Variants in VPS53 observed in about 807,000 individuals in gnomAD.
The protein encoded by VPS53 is VPS53 subunit of GARP complex, also known as vacuolar protein sorting-associated protein 53 homolog.
In VPS53, 70 loss-of-function variants were observed where a neutral mutation model predicts 107.0. The ratio of observed to expected loss-of-function variants is 0.65; its 90% CI spans 0.54 to 0.80. VPS53 has a LOEUF of 0.80. Among genes scored for constraint, VPS53 ranks in the 30% least tolerant of loss-of-function variants. The pLI, the probability that VPS53 is intolerant of heterozygous loss-of-function variation, is 0.00. For missense variants in VPS53, 917 were observed against 1,049.4 expected (o/e 0.87, Z 1.74); for synonymous variants, 409 against 393.3 (o/e 1.04, Z -0.47).
At chr17:554,873 A>G (rs1439617830) in intron 15 of VPS53, among the ~76,000 whole-genome samples, 4 of 152,260 alleles carry the variant, frequency 2.6e-5, no homozygotes, top group Non-Finnish European at 1.5e-5. Context: ...ATGCATTTCA[A>G]TGAAATAAGG....
In VPS53 at chr17:551,926, C is replaced by A; in HGVS notation, c.1812G>T (p.Leu604=). 6.2e-7 allele frequency: 1 copy of A among 1,603,084 alleles called. No individual in the cohort carries two copies. Among genetic ancestry groups the A allele is most frequent in the Non-Finnish European group, 8.5e-7 (1 of 1,174,522 alleles). The change falls in exon 17 of 22, where the codon CTG becomes CTT. Residue 604 remains leucine, a synonymous_variant. Coordinates refer to ENST00000437048, the MANE Select transcript of VPS53 (RefSeq NM_001128159.3). ...AGGCAGCATCCAGATCCTGAACCAG[C>A]AGCTGAATACTGCTGGAGATGACGC... The part of the protein sequence containing the change: ...FSTVISSSIQ[L]LVQDLDAACD...
intron 17 of VPS53, among the ~76,000 whole-genome samples, chr17:550,450 C>T (rs1911717231): frequency 6.6e-6 from 1 of 152,130 alleles, no homozygotes; most frequent in Admixed American, 6.6e-5. Context: ...TGGCTCAATT[C>T]TACCACTATA....
In VPS53 at chr17:520,711, C is replaced by G. The variant is rs1396457866; in HGVS notation, c.2224-781G>C. Among the ~76,000 whole-genome samples, 1 of 148,978 alleles carries G rather than the reference C, an allele frequency of 6.7e-6. No homozygotes were observed. Among genetic ancestry groups the G allele is most frequent in the African/African-American group, 2.4e-5 (1 of 41,178 alleles). ...CATCCTCTGCCGATAATTCCCAGAC[C>G]ACAGGCTCTCCTCCCCAGCAGTAAG... is the stretch of plus-strand genomic sequence containing the variant. On this transcript the variant is annotated intron_variant, in intron 20 of 21. Coordinates refer to ENST00000437048, the MANE Select transcript of VPS53 (RefSeq NM_001128159.3). The surrounding 1 kb of genome is among the most constrained non-coding windows in gnomAD (Gnocchi z 4.4).
chr17:528,595 CTTTTTT>C (rs138081726), intron 19 of VPS53, among the ~76,000 whole-genome samples: 3 of 101,270 alleles, frequency 3.0e-5, no homozygotes, highest in South Asian at 3.1e-4. Flanking sequence ...TTTTTCAATT[CTTTTTT>C]TTTTTTTTTT....
intron 3 of VPS53, among the ~76,000 whole-genome samples, chr17:698,483 T>C (rs911158440): frequency 1.5e-4 from 22 of 151,190 alleles, no homozygotes; most frequent in African/African-American, 4.9e-4. Flanking sequence ...GGCAGGCAGA[T>C]TGCTTGAGCT....
intron 11 of VPS53, among the ~76,000 whole-genome samples, chr17:608,864 C>T (rs1015754312): frequency 2.6e-5 from 4 of 151,958 alleles, no homozygotes; most frequent in African/African-American, 7.2e-5. Context: ...CTGCCCACCT[C>T]GGCCTCCCAA....
At chr17:698,110 C>T (rs931257758) in intron 3 of VPS53, among the ~76,000 whole-genome samples, 5 of 152,066 alleles carry the variant, frequency 3.3e-5, no homozygotes, top group African/African-American at 1.2e-4. Flanking sequence ...CAGGTAAATC[C>T]ACAAAAACAG....
rs992850636 is a variant in VPS53 at position 519,619 on chromosome 17, C to T, written c.2328+207G>A. Among the ~76,000 whole-genome samples the T allele has an allele frequency of 2.6e-5, 4 of 152,172 alleles. No individual in the cohort carries two copies. The highest frequency in any genetic ancestry group is 4.8e-5 in the African/African-American group (2 of 41,428). ...ATCCTCCCTGTGCAGGTGGTCTCAGCGGGGCATGCAGGGCCTGTCAGAATC... is the reference window on the plus strand; with the variant it reads ...ATCCTCCCTGTGCAGGTGGTCTCAGTGGGGCATGCAGGGCCTGTCAGAATC... On this transcript the variant is annotated intron_variant, in intron 21 of 21. Transcript: ENST00000437048. This position sits in a 1 kb window ranked among gnomAD's most constrained non-coding sequence, Gnocchi z 5.0.
chr17:590,479 G>C (rs1967583798), intron 12 of VPS53, among the ~76,000 whole-genome samples: 1 of 151,730 alleles, frequency 6.6e-6, no homozygotes, highest in Admixed American at 6.6e-5. Flanking sequence ...AATGCTTCCA[G>C]TTTTTGCCCA....
intron 15 of VPS53, among the ~76,000 whole-genome samples, chr17:553,902 T>C (rs889195483): frequency 6.6e-6 from 1 of 152,116 alleles, no homozygotes; most frequent in African/African-American, 2.4e-5. Context: ...GATTCTATTA[T>C]TATCATCGTC....
rs760752576 is a variant in VPS53 at position 601,753 on chromosome 17, C to T, written c.1218+42G>A. The T allele has an allele frequency of 2.7e-6, 4 of 1,479,378 alleles. No homozygotes were observed. In the African/African-American group the frequency reaches 5.7e-5, roughly 21 times the overall value. 91.6% of individuals were successfully genotyped at this position (1,479,378 alleles called of 1,614,324 possible). A position where few individuals can be genotyped will look rare whatever the true frequency, so the allele number is the denominator to read the frequency against. On this transcript the variant is annotated intron_variant, in intron 12 of 21. Transcript: ENST00000437048. ...GCAAGCAGACCGATTTTCAGAAACG[C>T]ACATTGGGTAGGTTACCCGTGGTGA...
In VPS53 at chr17:569,646, C is replaced by T. The variant is rs564984893; in HGVS notation, c.1314-6901G>A. ...AGAAAAATCACCATTTGACTGGGCGCGGCAGCTCATGCCTGTAATCTCAAC... is the reference window on the plus strand; with the variant it reads ...AGAAAAATCACCATTTGACTGGGCGTGGCAGCTCATGCCTGTAATCTCAAC... On this transcript the variant is annotated intron_variant, in intron 13 of 21. Transcript: ENST00000437048. Among the ~76,000 whole-genome samples the T allele has an allele frequency of 6.6e-5, 10 of 152,180 alleles. No individual in the cohort carries two copies. In the East Asian group the frequency reaches 1.5e-3, roughly 23 times the overall value.
Position 710,627 on chromosome 17 carries a change from G to A in VPS53, c.88-14C>T, listed in dbSNP as rs373134534. The A allele has an allele frequency of 5.1e-6, 8 of 1,574,048 alleles. No homozygotes were observed. The highest frequency in any genetic ancestry group is 5.1e-5 in the Admixed American group (3 of 59,148). ...GCTTGGAAACACCTATATAGAAAGA[G>A]AGGAGTATATATAAAAACATGTAGT... On this transcript the variant is annotated splice_polypyrimidine_tract_variant and intron_variant, in intron 1 of 21. Coordinates refer to ENST00000437048, the MANE Select transcript of VPS53 (RefSeq NM_001128159.3).
intron 11 of VPS53, among the ~76,000 whole-genome samples, chr17:622,079 GTGTGCACCT>G (rs1969489649): frequency 6.6e-6 from 1 of 152,032 alleles, no homozygotes; most frequent in South Asian, 2.1e-4. Flanking sequence ...AGGCTTAGTG[GTGTGCACCT>G]GTAATCCCAG....
chr17:584,273 T>G (rs1269188938), intron 13 of VPS53, among the ~76,000 whole-genome samples: 1 of 152,168 alleles, frequency 6.6e-6, no homozygotes, highest in Non-Finnish European at 1.5e-5. Context: ...TTCCAAAACC[T>G]GCCTTCCAAC....
intron 12 of VPS53, among the ~76,000 whole-genome samples, chr17:589,819 C>A (rs1238688770): frequency 6.6e-6 from 1 of 152,084 alleles, no homozygotes; most frequent in Non-Finnish European, 1.5e-5. Flanking sequence ...GTGATGCCTC[C>A]AGCTTTGTTC....
chr17:596,452 G>A (rs553660832), intron 12 of VPS53, among the ~76,000 whole-genome samples: 1 of 152,226 alleles, frequency 6.6e-6, no homozygotes, highest in African/African-American at 2.4e-5. Context: ...GCATGACCAG[G>A]CAGTGCCAGG....
intron 11 of VPS53, among the ~76,000 whole-genome samples, chr17:611,402 C>A (rs1968865513): frequency 1.3e-5 from 2 of 152,192 alleles, no homozygotes; most frequent in Non-Finnish European, 2.9e-5. Context: ...TACTCTACAC[C>A]CATGAGAATG....
intron 4 of VPS53, among the ~76,000 whole-genome samples, chr17:685,936 CAGG>C (rs1341784114): frequency 6.6e-6 from 1 of 151,842 alleles, no homozygotes; most frequent in Non-Finnish European, 1.5e-5. Context: ...CGTTTGAGGC[CAGG>C]AGTTTGAGAC....
Sources: allele counts gnomAD v4.1 joint callset (sites outside exome capture counted in the v4.1 genomes callset), GRCh38; gene constraint gnomAD v4.1.1; non-coding constraint Gnocchi (gnomAD v3.1); transcripts MANE v1.5; gene names NCBI Gene and HGNC (gene_info 2026-07-23, HGNC 2026-07-21).